Variants in ABHD17B observed in about 807,000 individuals in gnomAD.
The protein encoded by ABHD17B is abhydrolase domain containing 17B, depalmitoylase.
In ABHD17B, 9 loss-of-function variants were observed where a neutral mutation model predicts 26.2. That is an observed-to-expected ratio of 0.34 (90% confidence interval 0.21 to 0.60). The LOEUF (loss-of-function observed/expected upper bound fraction) is 0.60. Among genes scored for constraint, ABHD17B ranks in the 20% least tolerant of loss-of-function variants. ABHD17B has a pLI of 0.80. For missense variants in ABHD17B, 224 were observed against 352.1 expected (o/e 0.64, Z 2.91); for synonymous variants, 127 against 122.3 (o/e 1.04, Z -0.25).
chr9:71,907,577 T>C (rs1002829833), intron 1 of ABHD17B, among the ~76,000 whole-genome samples: 1 of 152,196 alleles, frequency 6.6e-6, no homozygotes, highest in African/African-American at 2.4e-5. Flanking sequence ...AATGGTGCTA[T>C]CTTGGCTCAC....
chr9:71,902,062 T>C (rs1329093752), intron 1 of ABHD17B, among the ~76,000 whole-genome samples: 1 of 152,190 alleles, frequency 6.6e-6, no homozygotes, highest in Non-Finnish European at 1.5e-5. Flanking sequence ...TCTGCTTCTG[T>C]GCCTTATCAC....
intron 1 of ABHD17B, among the ~76,000 whole-genome samples, chr9:71,905,849 G>T (rs1378278078): frequency 1.3e-5 from 2 of 152,072 alleles, no homozygotes; most frequent in African/African-American, 4.8e-5. Flanking sequence ...TTCAAGACCA[G>T]CCTGGCCAAC....
intron 1 of ABHD17B, among the ~76,000 whole-genome samples, chr9:71,883,605 T>C (rs548025870): frequency 6.6e-6 from 1 of 152,298 alleles, no homozygotes; most frequent in Admixed American, 6.5e-5. Flanking sequence ...CAAACATTGG[T>C]AGATTTAGCT....
At chr9:71,887,370 G>A (rs1208059206) in intron 1 of ABHD17B, among the ~76,000 whole-genome samples, 1 of 152,054 alleles carries the variant, frequency 6.6e-6, no homozygotes, top group African/African-American at 2.4e-5. Context: ...GAAAATTAAG[G>A]GTAAAGAGTC....
At chr9:71,893,517 T>C (rs1038394244) in intron 1 of ABHD17B, among the ~76,000 whole-genome samples, 1 of 152,182 alleles carries the variant, frequency 6.6e-6, no homozygotes, top group Non-Finnish European at 1.5e-5. Flanking sequence ...GGGCAAGGCA[T>C]GTAGGAAGGG....
intron 1 of ABHD17B, among the ~76,000 whole-genome samples, chr9:71,900,526 T>G (rs1021219701): frequency 6.6e-6 from 1 of 152,002 alleles, no homozygotes; most frequent in East Asian, 1.9e-4. Context: ...GGCGTGTGCC[T>G]GTAATCCCAG....
chr9:71,908,392 CAA>C (rs371201006), intron 1 of ABHD17B, among the ~76,000 whole-genome samples: 4 of 39,796 alleles, frequency 1.0e-4, no homozygotes, highest in Non-Finnish European at 2.1e-4. Context: ...AACTCCGTCT[CAA>C]AAAAAAAAAA....
intron 1 of ABHD17B, among the ~76,000 whole-genome samples, chr9:71,885,289 A>T (rs1236210405): frequency 6.6e-6 from 1 of 151,890 alleles, no homozygotes; most frequent in Non-Finnish European, 1.5e-5. Flanking sequence ...TACTAAAAAA[A>T]TAATAATAAT....
intron 1 of ABHD17B, among the ~76,000 whole-genome samples, chr9:71,890,846 A>G (rs757522021): frequency 6.6e-6 from 1 of 152,132 alleles, no homozygotes; most frequent in Non-Finnish European, 1.5e-5. Context: ...GTTCTTAAAG[A>G]CATGTTTAGA....
At chr9:71,901,852 T>G (rs1827153377) in intron 1 of ABHD17B, among the ~76,000 whole-genome samples, 1 of 152,196 alleles carries the variant, frequency 6.6e-6, no homozygotes, top group African/African-American at 2.4e-5. Flanking sequence ...TAATCCATGC[T>G]CTACACTGCC....
intron 3 of ABHD17B, among the ~76,000 whole-genome samples, chr9:71,867,351 C>T (rs13301278): frequency 0.11 from 17,091 of 152,122 alleles, 1,125 homozygotes; most frequent in Middle Eastern, 0.15. Flanking sequence ...TTCAAGTATG[C>T]GCTAATTTCA....
intron 1 of ABHD17B, among the ~76,000 whole-genome samples, chr9:71,898,011 TAAG>T (rs1300181573): frequency 6.6e-6 from 1 of 152,144 alleles, no homozygotes; most frequent in East Asian, 1.9e-4. Context: ...CAGTAGTGCT[TAAG>T]AAGAAATGGA....
At chr9:71,894,673 A>C (rs1415354770) in intron 1 of ABHD17B, among the ~76,000 whole-genome samples, 2 of 152,210 alleles carry the variant, frequency 1.3e-5, no homozygotes, top group African/African-American at 4.8e-5. Flanking sequence ...TCTTGGGCTT[A>C]AAAATGTTCA....
intron 1 of ABHD17B, among the ~76,000 whole-genome samples, chr9:71,906,010 C>T (rs1212959571): frequency 6.6e-6 from 1 of 152,068 alleles, no homozygotes; most frequent in Non-Finnish European, 1.5e-5. Context: ...GATCATGCTA[C>T]TACACTCCAG....
chr9:71,900,545 G>A (rs546610420), intron 1 of ABHD17B, among the ~76,000 whole-genome samples: 2 of 151,674 alleles, frequency 1.3e-5, no homozygotes, highest in South Asian at 2.1e-4. Flanking sequence ...AGGATTACTC[G>A]GGAGGCTGAG....
At chr9:71,909,831 T>C (rs1284061607) in intron 1 of ABHD17B, among the ~76,000 whole-genome samples, 1 of 152,112 alleles carries the variant, frequency 6.6e-6, no homozygotes, top group African/African-American at 2.4e-5. Flanking sequence ...AATTCTCTTC[T>C]GGCATTGGCA....
intron 1 of ABHD17B, among the ~76,000 whole-genome samples, chr9:71,884,506 A>G (rs983200181): frequency 6.6e-6 from 1 of 152,186 alleles, no homozygotes; most frequent in African/African-American, 2.4e-5. Flanking sequence ...GTACGAACAG[A>G]TCTATAATAT....
At chr9:71,893,959 G>T (rs768053768) in intron 1 of ABHD17B, among the ~76,000 whole-genome samples, 1 of 151,786 alleles carries the variant, frequency 6.6e-6, no homozygotes, top group Non-Finnish European at 1.5e-5. Context: ...GTGTGGTGGC[G>T]GGCACCTGTA....
chr9:71,896,871 TGAA>T (rs1826973810), intron 1 of ABHD17B, among the ~76,000 whole-genome samples: 1 of 152,214 alleles, frequency 6.6e-6, no homozygotes, highest in Non-Finnish European at 1.5e-5. Context: ...TTTTCTGAGC[TGAA>T]GAAGCTGAAT....
Sources: gnomAD v4.1 joint callset for allele counts (sites outside exome capture counted in the v4.1 genomes callset) on GRCh38, gnomAD v4.1.1 for gene constraint, MANE v1.5 for transcripts, NCBI Gene and HGNC (gene_info 2026-07-23, HGNC 2026-07-21) for gene names.